Variants in OR14I1 observed in about 807,000 individuals in gnomAD.
OR14I1 encodes the protein olfactory receptor 14I1.
For synonymous variants in OR14I1, 118 were observed against 71.1 expected (o/e 1.66, Z -3.32); for missense variants, 279 against 181.8 (o/e 1.53, Z -3.07).
chr1:248,682,454 ATGG>A (rs2103133122), upstream of OR14I1: 1 of 554,584 alleles, frequency 1.8e-6, no homozygotes, highest in South Asian at 2.7e-5. Flanking sequence ...AACAAATAAA[ATGG>A]TGGGAGATTT....
the OR14I1 span, among the ~76,000 whole-genome samples, chr1:248,701,246 G>A: frequency 6.6e-6 from 1 of 152,244 alleles, no homozygotes; most frequent in South Asian, 2.1e-4. Context: ...CTGCCTTATG[G>A]GTTCAAGCGA....
chr1:248,681,573 A>G, exon 1 of OR14I1: 1 of 781,012 alleles, frequency 1.3e-6, no homozygotes, highest in South Asian at 1.3e-5. Context: ...GCATGATGAC[A>G]ATGAGCTGGG....
the OR14I1 span, among the ~76,000 whole-genome samples, chr1:248,696,050 A>T: frequency 2.6e-5 from 4 of 151,548 alleles, no homozygotes; most frequent in Non-Finnish European, 5.9e-5. Flanking sequence ...TAAACTCCCC[A>T]CTCCCACCAC....
chr1:248,679,036 A>C (rs1168216095), downstream of OR14I1, among the ~76,000 whole-genome samples: 2 of 152,248 alleles, frequency 1.3e-5, no homozygotes, highest in African/African-American at 4.8e-5. Flanking sequence ...AAAAGCTGTT[A>C]GATCCTGATC....
At chr1:248,696,129 CA>C in the OR14I1 span, among the ~76,000 whole-genome samples, 161 of 152,246 alleles carry the variant, frequency 1.1e-3, 1 homozygote, top group Non-Finnish European at 1.5e-3. Flanking sequence ...GGTAGCCAGG[CA>C]AAGTGGGGAA....
At chr1:248,693,139 A>T in the OR14I1 span, among the ~76,000 whole-genome samples, 1 of 152,040 alleles carries the variant, frequency 6.6e-6, no homozygotes, top group Admixed American at 6.6e-5. Context: ...TCATTTTAAC[A>T]TTTCTCCCAT....
upstream of OR14I1, among the ~76,000 whole-genome samples, chr1:248,685,389 A>G (rs1661633358): frequency 6.6e-6 from 1 of 152,172 alleles, no homozygotes. Flanking sequence ...TGTATTTAAA[A>G]TATCTCAACC....
At position 248,682,278 on chromosome 1, in the gene OR14I1, T is replaced by C. The variant is rs574147295; in HGVS notation, c.27A>G (p.Glu9=). The change falls in exon 1 of 1, where the codon GAA becomes GAG. Residue 9 remains glutamate, a synonymous_variant. Coordinates refer to ENST00000342623, the Ensembl canonical transcript of OR14I1. Reference sequence around the variant, plus strand: ...TACCAGAAAACTCCATCAGCAGGAATTCTGTCACTTTTGTGAGATTGTCCA... The same window carrying C: ...TACCAGAAAACTCCATCAGCAGGAACTCTGTCACTTTTGTGAGATTGTCCA... 8 of 753,340 alleles carry C rather than the reference T, an allele frequency of 1.1e-5. No homozygotes were observed. The South Asian group carries it at 1.2e-4, about 11-fold the overall frequency. The allele number at this position is 753,340 out of a possible 1,614,324, so 46.7% of individuals were successfully genotyped here. A position where few individuals can be genotyped will look rare whatever the true frequency, so the allele number is the denominator to read the frequency against.
downstream of OR14I1, among the ~76,000 whole-genome samples, chr1:248,680,195 A>G (rs1661534264): frequency 1.3e-5 from 2 of 152,372 alleles, no homozygotes; most frequent in South Asian, 4.1e-4. Flanking sequence ...ATTGATAACT[A>G]CAAAAGCATA....
chr1:248,686,436 A>G (rs1451712396), upstream of OR14I1, among the ~76,000 whole-genome samples: 2 of 152,132 alleles, frequency 1.3e-5, no homozygotes, highest in African/African-American at 4.8e-5. Context: ...TCCCACTTAT[A>G]TCAAGCAAAA....
upstream of OR14I1, among the ~76,000 whole-genome samples, chr1:248,683,794 G>T (rs1661600691): frequency 6.6e-6 from 1 of 152,252 alleles, no homozygotes; most frequent in South Asian, 2.1e-4. Context: ...AGCACTTTCG[G>T]AGGTTGAGGT....
At chr1:248,692,539 C>T in the OR14I1 span, 1 of 152,876 alleles carries the variant, frequency 6.5e-6, no homozygotes, top group Non-Finnish European at 1.5e-5. Context: ...CCTTCATTCT[C>T]GCGTTCCCAG....
chr1:248,698,533 A>G, the OR14I1 span, among the ~76,000 whole-genome samples: 18 of 152,232 alleles, frequency 1.2e-4, no homozygotes, highest in African/African-American at 4.1e-4. Context: ...AGTCATTAGG[A>G]CTTCTTACTA....
At chr1:248,689,719 C>A in the OR14I1 span, among the ~76,000 whole-genome samples, 1 of 152,160 alleles carries the variant, frequency 6.6e-6, no homozygotes, top group Non-Finnish European at 1.5e-5. Flanking sequence ...AGCTCTGGAC[C>A]AAGCAAACCT....
downstream of OR14I1, among the ~76,000 whole-genome samples, chr1:248,678,357 G>T (rs1572126943): frequency 1.3e-5 from 2 of 152,284 alleles, no homozygotes; most frequent in South Asian, 2.1e-4. Flanking sequence ...CAGCAAGATA[G>T]ACCATTTCAC....
At chr1:248,690,760 C>T in the OR14I1 span, among the ~76,000 whole-genome samples, 3 of 151,466 alleles carry the variant, frequency 2.0e-5, no homozygotes, top group Non-Finnish European at 4.4e-5. Context: ...ATACCATAAC[C>T]TGGCAGAGAC....
downstream of OR14I1, among the ~76,000 whole-genome samples, chr1:248,680,198 A>C (rs1661534295): frequency 6.6e-6 from 1 of 152,214 alleles, no homozygotes; most frequent in African/African-American, 2.4e-5. Context: ...GATAACTACA[A>C]AAGCATAGTT....
chr1:248,681,575 T>C (rs1661563677), exon 1 of OR14I1: 2 of 780,876 alleles, frequency 2.6e-6, no homozygotes, highest in African/African-American at 1.7e-5. Context: ...ATGATGACAA[T>C]GAGCTGGGGG....
downstream of OR14I1, chr1:248,681,275 T>G (rs939745132): frequency 1.7e-5 from 10 of 576,194 alleles, no homozygotes; most frequent in Non-Finnish European, 2.8e-5. Context: ...TTTTCATCAT[T>G]TCATCAACAA....
Sources: gnomAD v4.1 joint callset for allele counts (sites outside exome capture counted in the v4.1 genomes callset) on GRCh38, gnomAD v4.1.1 for gene constraint, MANE v1.5 for transcripts, NCBI Gene and HGNC (gene_info 2026-07-23, HGNC 2026-07-21) for gene names.